Variants in B3GALT1 observed in about 807,000 individuals in gnomAD.
B3GALT1 encodes beta-1,3-galactosyltransferase 1.
B3GALT1 carries 10 observed loss-of-function variants against 23.2 expected under a neutral mutation model. The ratio of observed to expected loss-of-function variants is 0.43; its 90% CI spans 0.27 to 0.73. B3GALT1 has a LOEUF of 0.73. B3GALT1 is among the 30% of genes least tolerant of loss of function. The pLI, the probability that B3GALT1 is intolerant of heterozygous loss-of-function variation, is 0.21. For missense variants in B3GALT1, 299 were observed against 405.4 expected, an observed-to-expected ratio of 0.74 and a Z score of 2.25; for synonymous variants, 156 against 141.5, an observed-to-expected ratio of 1.10 and a Z score of -0.73.
rs146030527 is a variant in B3GALT1 at position 167,643,141 on chromosome 2, C to G, written c.-409-3768C>G. On this transcript the variant is annotated intron_variant, in intron 2 of 4. Coordinates refer to ENST00000392690, the MANE Select transcript of B3GALT1 (RefSeq NM_020981.4). ...ATATAAGTAAGATAAGCTTTGTGCA[C>G]ATACCATCTATGAAATTCTGTTACA... Among the ~76,000 whole-genome samples the G allele has an allele frequency of 9.2e-5, 14 of 152,240 alleles. 1 individual carries two copies. Among genetic ancestry groups the G allele is most frequent in the Non-Finnish European group, 1.8e-4 (12 of 68,026 alleles).
intron 3 of B3GALT1, among the ~76,000 whole-genome samples, chr2:167,692,256 C>A (rs964127530): frequency 2.0e-5 from 3 of 152,106 alleles, no homozygotes; most frequent in Admixed American, 1.3e-4. Context: ...GCAGCAGACT[C>A]CTGCTCTGCT....
intron 2 of B3GALT1, among the ~76,000 whole-genome samples, chr2:167,540,670 G>A (rs1392503026): frequency 6.6e-6 from 1 of 152,082 alleles, no homozygotes; most frequent in Admixed American, 6.6e-5. Flanking sequence ...TTATGCCATT[G>A]GCTCCATCTG....
chr2:167,357,607 C>T lies in B3GALT1; in HGVS notation c.-511+64273C>T, dbSNP rs866168514. On this transcript the variant is annotated intron_variant, in intron 1 of 4. Transcript: ENST00000392690. ...CTTTGTGTCAAAAAGCCAATCTATTCTGTCAGGGACCAATATGGTGCTTAA... is the reference window on the plus strand; with the variant it reads ...CTTTGTGTCAAAAAGCCAATCTATTTTGTCAGGGACCAATATGGTGCTTAA... Among the ~76,000 whole-genome samples the T allele has an allele frequency of 3.3e-5, 5 of 152,280 alleles. No individual in the cohort carries two copies. In the South Asian group the frequency reaches 8.3e-4, roughly 25 times the overall value.
chr2:167,736,149 C>T (rs765924813), intron 3 of B3GALT1, among the ~76,000 whole-genome samples: 15 of 152,132 alleles, frequency 9.9e-5, no homozygotes, highest in Non-Finnish European at 1.6e-4. Flanking sequence ...GATTCCACAG[C>T]GTCAATCCCA....
chr2:167,839,923 T>C (rs1166664793), intron 4 of B3GALT1, among the ~76,000 whole-genome samples: 1 of 151,972 alleles, frequency 6.6e-6, no homozygotes, highest in Non-Finnish European at 1.5e-5. Flanking sequence ...AAACAAGCAA[T>C]GGGGAAAGGA....
chr2:167,328,972 C>A (rs2105238184), intron 1 of B3GALT1, among the ~76,000 whole-genome samples: 1 of 152,214 alleles, frequency 6.6e-6, no homozygotes, highest in Admixed American at 6.5e-5. Context: ...ACCACCACGC[C>A]TGGCTGATTT....
At chr2:167,776,324 C>CATAGGAAAAACCGTGTTTTTCCT (rs1688161710) in intron 3 of B3GALT1, among the ~76,000 whole-genome samples, 1 of 152,144 alleles carries the variant, frequency 6.6e-6, no homozygotes, top group Non-Finnish European at 1.5e-5. Context: ...CAGAAATGGA[C>CATAGGAAAAACCGTGTTTTTCCT]ATGTTGTAGA....
At chr2:167,471,634 ATTAC>A (rs1398585109) in intron 1 of B3GALT1, among the ~76,000 whole-genome samples, 3 of 152,232 alleles carry the variant, frequency 2.0e-5, no homozygotes, top group South Asian at 2.1e-4. Flanking sequence ...GCCTTTCCAA[ATTAC>A]TTATAAGATT....
chr2:167,364,340 T>A (rs200668644), intron 1 of B3GALT1, among the ~76,000 whole-genome samples: 794 of 25,522 alleles, frequency 0.031, 6 homozygotes, highest in Non-Finnish European at 0.065. Context: ...ATATATATAG[T>A]TTTTTTTTTC....
At chr2:167,851,482 C>T (rs1007413752) in intron 4 of B3GALT1, among the ~76,000 whole-genome samples, 10 of 152,140 alleles carry the variant, frequency 6.6e-5, no homozygotes, top group Non-Finnish European at 1.0e-4. Context: ...ATCTGTGAGC[C>T]ATGTTATGTC....
intron 1 of B3GALT1, among the ~76,000 whole-genome samples, chr2:167,354,808 A>T (rs1409384946): frequency 6.6e-6 from 1 of 152,098 alleles, no homozygotes; most frequent in Non-Finnish European, 1.5e-5. Context: ...CAGTCCTTCA[A>T]TTGTCTTTTA....
intron 1 of B3GALT1, among the ~76,000 whole-genome samples, chr2:167,467,849 A>G (rs1699370771): frequency 6.6e-6 from 1 of 152,172 alleles, no homozygotes; most frequent in African/African-American, 2.4e-5. Context: ...CATTCATTCA[A>G]AAATATATAT....
chr2:167,601,020 T>G (rs1684867558), intron 2 of B3GALT1, among the ~76,000 whole-genome samples: 2 of 152,160 alleles, frequency 1.3e-5, no homozygotes, highest in Admixed American at 1.3e-4. Context: ...GTCAGAGTGT[T>G]GTCTTGACTT....
At chr2:167,663,739 T>A (rs966815538) in intron 3 of B3GALT1, among the ~76,000 whole-genome samples, 71 of 152,148 alleles carry the variant, frequency 4.7e-4, no homozygotes, top group African/African-American at 1.7e-3. Flanking sequence ...TCATGTGTTT[T>A]TTGGCTGCAT....
At chr2:167,352,850 A>G (rs150909574) in intron 1 of B3GALT1, among the ~76,000 whole-genome samples, 30 of 152,366 alleles carry the variant, frequency 2.0e-4, no homozygotes, top group Non-Finnish European at 2.9e-4. Flanking sequence ...ATTACCCAGT[A>G]TCTCAAAGGA....
chr2:167,477,145 G>A (rs771136627), intron 1 of B3GALT1, among the ~76,000 whole-genome samples: 3 of 152,180 alleles, frequency 2.0e-5, no homozygotes, highest in Non-Finnish European at 4.4e-5. Context: ...AAGCATATGT[G>A]CTTTTGAATG....
intron 2 of B3GALT1, among the ~76,000 whole-genome samples, chr2:167,633,131 G>A (rs1037627408): frequency 6.6e-6 from 1 of 151,908 alleles, no homozygotes; most frequent in Non-Finnish European, 1.5e-5. Flanking sequence ...TTATCCAGGA[G>A]AACTTCCCCA....
At chr2:167,644,436 C>T (rs1452577788) in intron 2 of B3GALT1, among the ~76,000 whole-genome samples, 1 of 152,128 alleles carries the variant, frequency 6.6e-6, no homozygotes, top group Admixed American at 6.5e-5. Context: ...ACCCTGTACC[C>T]AGAGTAGCTA....
chr2:167,369,551 A>T (rs1364882952), intron 1 of B3GALT1, among the ~76,000 whole-genome samples: 1 of 152,224 alleles, frequency 6.6e-6, no homozygotes, highest in African/African-American at 2.4e-5. Context: ...CTCACTACCA[A>T]ATCAACTGAG....
Sources: gnomAD v4.1 joint callset for allele counts (sites outside exome capture counted in the v4.1 genomes callset) on GRCh38, gnomAD v4.1.1 for gene constraint, MANE v1.5 for transcripts, NCBI Gene and HGNC (gene_info 2026-07-23, HGNC 2026-07-21) for gene names.